Variants in PAH observed in about 807,000 individuals in gnomAD.
PAH encodes phenylalanine-4-hydroxylase.
Under a neutral mutation model 62.0 loss-of-function variants are expected in PAH, and 64 were observed. The observed-to-expected ratio is 1.03, with a 90% confidence interval of 0.84 to 1.27. PAH has a LOEUF of 1.27. Among genes scored for constraint, PAH ranks in the 50% most tolerant of loss-of-function variants. PAH has a pLI of 0.00. For synonymous variants in PAH, 195 were observed against 196.2 expected (o/e 0.99, Z 0.05); for missense variants, 579 against 542.8 (o/e 1.07, Z -0.66).
At chr12:102,955,045 A>G (rs1879872101), upstream of PAH, among the ~76,000 whole-genome samples, 1 of 152,160 alleles carries the variant, frequency 6.6e-6, no homozygotes, top group Non-Finnish European at 1.5e-5. Context: ...GAGAATAGAG[A>G]CAAATGTTCT....
At chr12:102,893,457 T>C (rs1592977931) in intron 3 of PAH, among the ~76,000 whole-genome samples, 1 of 152,268 alleles carries the variant, frequency 6.6e-6, no homozygotes, top group African/African-American at 2.4e-5. Context: ...AAATGGTTCA[T>C]TTGAATATGC....
At chr12:102,858,371 G>A (rs1443022315) in intron 5 of PAH, among the ~76,000 whole-genome samples, 1 of 152,142 alleles carries the variant, frequency 6.6e-6, no homozygotes, top group Non-Finnish European at 1.5e-5. Flanking sequence ...CCACACAATA[G>A]TAATGAGAGC....
intron 1 of PAH, chr12:102,946,782 T>C (rs563289816): frequency 1.3e-5 from 2 of 152,358 alleles, no homozygotes; most frequent in East Asian, 1.9e-4. Context: ...TTTGTGTGGA[T>C]AGTCACACAA....
intron 1 of PAH, among the ~76,000 whole-genome samples, chr12:102,939,890 C>G (rs1879230833): frequency 6.6e-6 from 1 of 152,112 alleles, no homozygotes; most frequent in Non-Finnish European, 1.5e-5. Context: ...CTGGGAGTGC[C>G]AAGCCAAGAT....
At chr12:102,951,229 C>G (rs1298507596), upstream of PAH, among the ~76,000 whole-genome samples, 2 of 152,176 alleles carry the variant, frequency 1.3e-5, no homozygotes, top group Non-Finnish European at 2.9e-5. Context: ...CCGGGGCGCA[C>G]TTTCGGGAAC....
chr12:102,927,280 G>GTTT (rs34781084), intron 1 of PAH, among the ~76,000 whole-genome samples: 11 of 129,194 alleles, frequency 8.5e-5, no homozygotes, highest in Admixed American at 1.6e-4. Flanking sequence ...CTTCAAAAAA[G>GTTT]TTTTTTTTTT....
At position 102,917,144 on chromosome 12, in the gene PAH, G is replaced by A. The variant is rs931676066; in HGVS notation, c.-14C>T. 4 of 1,614,030 alleles carry A rather than the reference G, an allele frequency of 2.5e-6. No individual in the cohort carries two copies. The highest frequency in any genetic ancestry group is 1.7e-5 in the Admixed American group (1 of 60,014). ...CGCAGTGGACATGCTGGCTCCCCGG[G>A]AGTGAGGTCTCTGGCTTTTTAGGGC... On this transcript the variant is annotated 5_prime_UTR_variant, in exon 1 of 13. Transcript: ENST00000553106.
At chr12:102,898,262 T>C (rs2136706887) in intron 2 of PAH, among the ~76,000 whole-genome samples, 1 of 152,338 alleles carries the variant, frequency 6.6e-6, no homozygotes, top group South Asian at 2.1e-4. Flanking sequence ...TTAGCTCTTA[T>C]GGTTATTACA....
rs146018468 is a variant in PAH, at chr12:102,851,045, C to T, written c.912+642G>A. Among the ~76,000 whole-genome samples, 7 of 150,010 alleles carry T rather than the reference C, an allele frequency of 4.7e-5. No individual in the cohort carries two copies. The East Asian group carries it at 1.4e-3, about 29-fold the overall frequency. ...GCTGCAGTGAACCGTGATTATACCA[C>T]TGCACTCCAGTCCAGCCTGGGTGAC... On this transcript the variant is annotated intron_variant, in intron 8 of 12. Transcript: ENST00000553106.
intron 5 of PAH, among the ~76,000 whole-genome samples, chr12:102,863,519 T>C (rs1162844631): frequency 6.6e-6 from 1 of 152,168 alleles, no homozygotes; most frequent in Non-Finnish European, 1.5e-5. Context: ...GCATTGTGCC[T>C]GGCTGAGAGA....
intron 3 of PAH, 56 bp downstream of exon 3, chr12:102,894,679 T>C (rs959824898): frequency 7.8e-7 from 1 of 1,282,702 alleles, no homozygotes; most frequent in Non-Finnish European, 1.1e-6. Flanking sequence ...ATATTGCTGT[T>C]ATTTTATGAA....
At chr12:102,908,628 C>A (rs1390332524) in intron 2 of PAH, among the ~76,000 whole-genome samples, 1 of 147,578 alleles carries the variant, frequency 6.8e-6, no homozygotes, top group African/African-American at 2.6e-5. Context: ...ACAGAGTTTC[C>A]ACATAACCTG....
chr12:102,837,487 T>C lies in PAH; in HGVS notation c.*1688A>G, dbSNP rs1874409459. 1 of 152,258 alleles carries C rather than the reference T, an allele frequency of 6.6e-6. No individual in the cohort carries two copies. The highest frequency in any genetic ancestry group is 1.5e-5 in the Non-Finnish European group (1 of 68,044). The allele number at this position is 152,258 out of a possible 1,614,324, so 9.4% of individuals were successfully genotyped here. A position where few individuals can be genotyped will look rare whatever the true frequency, so the allele number is the denominator to read the frequency against. On this transcript the variant is annotated 3_prime_UTR_variant, in exon 13 of 13. Coordinates refer to ENST00000553106, the MANE Select transcript of PAH (RefSeq NM_000277.3). ...AGAGAAAAAAGTCCTTTTTCACTTT[T>C]AAAATCAGTGGGTTTTACAAAGGCA...
chr12:102,868,047 T>TAG (rs1876088498), intron 4 of PAH, among the ~76,000 whole-genome samples: 2 of 119,064 alleles, frequency 1.7e-5, no homozygotes, highest in Non-Finnish European at 3.5e-5. Context: ...CACCTATATA[T>TAG]ATGTATATAT....
At position 102,957,491 on chromosome 12, in the gene PAH, G is replaced by T. The variant is rs552657764; in HGVS notation, c.-96+704C>A. 1.8e-3 allele frequency among the ~76,000 whole-genome samples: 117 copies of T among 64,856 alleles called. No homozygotes were observed. Among genetic ancestry groups the T allele is most frequent in the Non-Finnish European group, 3.0e-3 (96 of 31,522 alleles). The allele number at this position is 64,856 out of a possible 152,430, so 42.5% of individuals were successfully genotyped here. On this transcript the variant is annotated intron_variant, in intron 1 of 4. Coordinates refer to the PAH transcript ENST00000551337. The surrounding 1 kb of genome is among the most constrained non-coding windows in gnomAD (Gnocchi z 4.1). ...CAAGGAGCGGGAGAAAGGAACGGGAGGGGGGGAGAGGAGAGGAGGAGGGGG... is the reference window on the plus strand; with the variant it reads ...CAAGGAGCGGGAGAAAGGAACGGGATGGGGGGAGAGGAGAGGAGGAGGGGG...
chr12:102,957,931 A>G lies in PAH; in HGVS notation c.-96+264T>C. 1 of 276,648 alleles carries G rather than the reference A, an allele frequency of 3.6e-6. No homozygotes were observed. Among genetic ancestry groups the G allele is most frequent in the Non-Finnish European group, 6.7e-6 (1 of 149,238 alleles). The allele number at this position is 276,648 out of a possible 1,614,324, so 17.1% of individuals were successfully genotyped here. ...GCTTTTTTTTTTCTTAGAAACAAGA[A>G]GGCGCCAGCGGCAGCCTCACACGCG... On this transcript the variant is annotated intron_variant, in intron 1 of 4. Coordinates refer to the PAH transcript ENST00000551337. This position sits in a 1 kb window ranked among gnomAD's most constrained non-coding sequence, Gnocchi z 4.1.
At chr12:102,882,858 G>T (rs1876879718) in intron 3 of PAH, among the ~76,000 whole-genome samples, 1 of 151,850 alleles carries the variant, frequency 6.6e-6, no homozygotes, top group Admixed American at 6.6e-5. Context: ...ATTATTGGAT[G>T]AATTAAATGC....
chr12:102,873,307 A>G (rs938240322), intron 4 of PAH, among the ~76,000 whole-genome samples: 8 of 152,350 alleles, frequency 5.3e-5, no homozygotes, highest in Non-Finnish European at 1.0e-4. Flanking sequence ...ATCTCCAGAC[A>G]TGGCCCATGA....
intron 1 of PAH, chr12:102,950,177 T>C (rs1171965253): frequency 6.6e-6 from 1 of 152,192 alleles, no homozygotes; most frequent in Non-Finnish European, 1.5e-5. Context: ...TCCATGAGAG[T>C]GAATATCTAC....
Sources: allele counts gnomAD v4.1 joint callset (sites outside exome capture counted in the v4.1 genomes callset), GRCh38; gene constraint gnomAD v4.1.1; non-coding constraint Gnocchi (gnomAD v3.1); transcripts MANE v1.5; gene names NCBI Gene and HGNC (gene_info 2026-07-23, HGNC 2026-07-21).